Variants in NOL4 observed in about 807,000 individuals in gnomAD.
The protein encoded by NOL4 is nucleolar protein 4, also known as cancer/testis antigen 125.
In NOL4, 17 loss-of-function variants were observed where a neutral mutation model predicts 75.9. The ratio of observed to expected loss-of-function variants is 0.22; its 90% CI spans 0.15 to 0.34. NOL4 has a LOEUF of 0.34. Ranked by LOEUF, NOL4 falls within the 10% of genes least tolerant of loss-of-function variation. The pLI, the probability that NOL4 is intolerant of heterozygous loss-of-function variation, is 1.00. For synonymous variants in NOL4, 292 were observed against 289.9 expected, an observed-to-expected ratio of 1.01 and a Z score of -0.07; for missense variants, 614 against 793.5, an observed-to-expected ratio of 0.77 and a Z score of 2.72.
chr18:33,886,407 A>C (rs189421641), intron 9 of NOL4, among the ~76,000 whole-genome samples: 2,148 of 151,892 alleles, frequency 0.014, 51 homozygotes, highest in African/African-American at 0.048. Flanking sequence ...GGGCCCCTGT[A>C]ATCCCAGCTA....
At chr18:34,123,623 A>G (rs1275939320) in intron 2 of NOL4, among the ~76,000 whole-genome samples, 1 of 147,548 alleles carries the variant, frequency 6.8e-6, no homozygotes, top group African/African-American at 2.5e-5. Context: ...CTATATTTAT[A>G]TCTATATAGA....
chr18:34,057,762 T>C lies in NOL4; in HGVS notation c.772+35703A>G, dbSNP rs538353168. Among the ~76,000 whole-genome samples, 101 of 152,314 alleles carry C rather than the reference T, an allele frequency of 6.6e-4. 4 individuals carry two copies. The South Asian group carries it at 0.02, about 31-fold the overall frequency. ...CATGCCTTATACATCTCAGCTCTAGTTGCACATTGCTATGGAAATAGCAAG... is the reference window on the plus strand; with the variant it reads ...CATGCCTTATACATCTCAGCTCTAGCTGCACATTGCTATGGAAATAGCAAG... On this transcript the variant is annotated intron_variant, in intron 5 of 10. Coordinates refer to ENST00000261592, the MANE Select transcript of NOL4 (RefSeq NM_003787.5).
At chr18:34,047,714 G>A (rs2076445391) in intron 5 of NOL4, among the ~76,000 whole-genome samples, 1 of 152,052 alleles carries the variant, frequency 6.6e-6, no homozygotes, top group Non-Finnish European at 1.5e-5. Flanking sequence ...AAAATCATAT[G>A]CTTCATAAGA....
chr18:34,122,865 C>T (rs79171172), intron 2 of NOL4, among the ~76,000 whole-genome samples: 5,209 of 152,120 alleles, frequency 0.034, 92 homozygotes, highest in Middle Eastern at 0.048. Flanking sequence ...ACAAACCTCT[C>T]GATCTGAGTG....
intron 2 of NOL4, among the ~76,000 whole-genome samples, chr18:34,105,387 C>A (rs1456064677): frequency 6.6e-6 from 1 of 151,960 alleles, no homozygotes; most frequent in East Asian, 1.9e-4. Context: ...AAATCAACCA[C>A]ATCTCGATGG....
intron 6 of NOL4, among the ~76,000 whole-genome samples, chr18:33,993,814 T>C (rs371351764): frequency 6.6e-6 from 1 of 151,212 alleles, no homozygotes; most frequent in African/African-American, 2.4e-5. Flanking sequence ...GTGATTGTAA[T>C]AAAAAAATCT....
chr18:34,019,815 A>G (rs1415609432), intron 5 of NOL4, among the ~76,000 whole-genome samples: 6 of 151,274 alleles, frequency 4.0e-5, no homozygotes, highest in Admixed American at 2.7e-4. Context: ...TAAATCTCAC[A>G]TTAAAATGTG....
intron 10 of NOL4, among the ~76,000 whole-genome samples, chr18:33,863,723 C>A (rs2063293322): frequency 6.6e-6 from 1 of 152,134 alleles, no homozygotes; most frequent in African/African-American, 2.4e-5. Context: ...AGTGGATCTA[C>A]TATTCTGGGG....
intron 9 of NOL4, among the ~76,000 whole-genome samples, chr18:33,938,565 C>G (rs998451966): frequency 1.3e-5 from 2 of 151,946 alleles, no homozygotes; most frequent in African/African-American, 4.8e-5. Flanking sequence ...GTTTCTTGGC[C>G]GCATAAATGT....
At chr18:34,053,130 A>T (rs548262664) in intron 5 of NOL4, among the ~76,000 whole-genome samples, 2 of 152,016 alleles carry the variant, frequency 1.3e-5, no homozygotes, top group African/African-American at 4.8e-5. Flanking sequence ...AACTCTTAAA[A>T]TACTGAAGAA....
At chr18:33,888,204 G>T (rs2064878218) in intron 9 of NOL4, among the ~76,000 whole-genome samples, 1 of 152,100 alleles carries the variant, frequency 6.6e-6, no homozygotes, top group Non-Finnish European at 1.5e-5. Context: ...ATGTTTGTTG[G>T]CTGCATGAAT....
chr18:34,202,283 A>C (rs1424569219), intron 1 of NOL4, among the ~76,000 whole-genome samples: 2 of 151,924 alleles, frequency 1.3e-5, no homozygotes, highest in East Asian at 3.8e-4. Flanking sequence ...TATGTTTGAA[A>C]GACAAATTTT....
chr18:34,001,430 A>T (rs139852880), intron 6 of NOL4, among the ~76,000 whole-genome samples: 2 of 152,262 alleles, frequency 1.3e-5, no homozygotes, highest in East Asian at 3.9e-4. Flanking sequence ...GTTACCTTTC[A>T]GCTAGTCTGA....
In NOL4 at chr18:33,890,033, C is replaced by T. The variant is rs1219095355; in HGVS notation, c.1543-6609G>A. Among the ~76,000 whole-genome samples the T allele has an allele frequency of 2.0e-5, 3 of 152,180 alleles. No homozygotes were observed. The East Asian group carries it at 5.8e-4, about 29-fold the overall frequency. On this transcript the variant is annotated intron_variant, in intron 9 of 10. Transcript: ENST00000261592. The stretch of plus-strand genomic sequence containing the variant: ...TTCAACATAGTTTTGGAAGTTCTGG[C>T]TAGGGCAGTCAGGCAAGAGAAAGAA...
At chr18:34,114,113 T>C (rs960980286) in intron 2 of NOL4, among the ~76,000 whole-genome samples, 1 of 152,204 alleles carries the variant, frequency 6.6e-6, no homozygotes, top group Non-Finnish European at 1.5e-5. Flanking sequence ...CTATGTAAAA[T>C]ACTATAATCA....
chr18:34,176,606 T>A, intron 1 of NOL4, among the ~76,000 whole-genome samples: 1 of 151,992 alleles, frequency 6.6e-6, no homozygotes, highest in East Asian at 1.9e-4. Context: ...CTAAATGAGA[T>A]CATAAGAATG....
At chr18:34,089,131 A>T (rs903424712) in intron 5 of NOL4, among the ~76,000 whole-genome samples, 7 of 152,104 alleles carry the variant, frequency 4.6e-5, no homozygotes, top group African/African-American at 1.7e-4. Context: ...TTGTAAAAAA[A>T]GTTATTTTAC....
At chr18:34,127,631 C>T (rs2080446918) in intron 2 of NOL4, among the ~76,000 whole-genome samples, 1 of 151,898 alleles carries the variant, frequency 6.6e-6, no homozygotes, top group South Asian at 2.1e-4. Context: ...TTTCAAATCA[C>T]ATTTTAGTTT....
chr18:34,049,354 C>T (rs550894921), intron 5 of NOL4, among the ~76,000 whole-genome samples: 12 of 151,636 alleles, frequency 7.9e-5, no homozygotes, highest in East Asian at 1.9e-4. Context: ...AGATTTCATA[C>T]GTTATTTTCA....
Sources: gnomAD v4.1 joint callset for allele counts (sites outside exome capture counted in the v4.1 genomes callset) on GRCh38, gnomAD v4.1.1 for gene constraint, MANE v1.5 for transcripts, NCBI Gene and HGNC (gene_info 2026-07-23, HGNC 2026-07-21) for gene names.